Variants in EML1 observed in about 807,000 individuals in gnomAD.
EML1 encodes echinoderm microtubule-associated protein-like 1.
Under a neutral mutation model 110.4 loss-of-function variants are expected in EML1, and 27 were observed. The ratio of observed to expected loss-of-function variants is 0.24; its 90% CI spans 0.18 to 0.34. EML1 has a LOEUF of 0.34. EML1 is among the 10% of genes least tolerant of loss of function. The pLI is 1.00. For missense variants in EML1, 741 were observed against 1,030.9 expected, an observed-to-expected ratio of 0.72 and a Z score of 3.85; for synonymous variants, 344 against 385.8, an observed-to-expected ratio of 0.89 and a Z score of 1.27.
chr14:99,869,328 G>C (rs1234651114), intron 3 of EML1, among the ~76,000 whole-genome samples: 1 of 152,000 alleles, frequency 6.6e-6, no homozygotes, highest in East Asian at 1.9e-4. Flanking sequence ...AGTGATCTTT[G>C]GTGTTAATAC....
Position 99,765,701 on chromosome 14 carries a change from C to T in EML1, c.28+27841C>T, listed in dbSNP as rs1415298846. Among the ~76,000 whole-genome samples, 4 of 151,972 alleles carry T rather than the reference C, an allele frequency of 2.6e-5. No homozygotes were observed. In the East Asian group the frequency reaches 5.8e-4, roughly 22 times the overall value. Reference sequence around the variant, plus strand: ...CTCACTGCAACCTCTGCCTCCTAGGCGCAGGTGATTCTCATGCCTCAGCCT... The same window carrying T: ...CTCACTGCAACCTCTGCCTCCTAGGTGCAGGTGATTCTCATGCCTCAGCCT... On this transcript the variant is annotated intron_variant, in intron 1 of 10. Coordinates refer to the EML1 transcript ENST00000554479.
intron 6 of EML1, among the ~76,000 whole-genome samples, chr14:99,895,848 A>G (rs2059663240): frequency 6.6e-6 from 1 of 152,010 alleles, no homozygotes; most frequent in African/African-American, 2.4e-5. Context: ...CCAGGAGTTC[A>G]AGTCCAGCCT....
chr14:99,797,340 G>C (rs1469454615), intron 1 of EML1, among the ~76,000 whole-genome samples: 1 of 152,106 alleles, frequency 6.6e-6, no homozygotes, highest in Non-Finnish European at 1.5e-5. Context: ...GTTTAAATCT[G>C]TTACTTGTTG....
At chr14:99,870,750 T>C (rs1052649178) in intron 3 of EML1, among the ~76,000 whole-genome samples, 2 of 152,224 alleles carry the variant, frequency 1.3e-5, no homozygotes, top group African/African-American at 4.8e-5. Flanking sequence ...CAATATGATG[T>C]ACTGAATATT....
intron 1 of EML1, among the ~76,000 whole-genome samples, chr14:99,808,560 A>G (rs1405452380): frequency 2.0e-5 from 3 of 152,146 alleles, no homozygotes; most frequent in Admixed American, 6.5e-5. Flanking sequence ...GAAAAACAAT[A>G]TATATTATTT....
chr14:99,737,817 G>A (rs1288311178), exon 1 of EML1: 20 of 1,289,184 alleles, frequency 1.6e-5, no homozygotes, highest in Admixed American at 4.6e-5. Context: ...CCAGCCGGCC[G>A]CCCATCTTCC....
chr14:99,800,994 G>A (rs931789945), intron 1 of EML1, among the ~76,000 whole-genome samples: 1 of 152,216 alleles, frequency 6.6e-6, no homozygotes, highest in Non-Finnish European at 1.5e-5. Context: ...AGAGGGAGGG[G>A]AAGCAGAGGT....
At chr14:99,915,181 G>A in intron 15 of EML1, 1 of 191,022 alleles carries the variant, frequency 5.2e-6, no homozygotes, top group Non-Finnish European at 1.1e-5. Context: ...GGGAGGCCAA[G>A]GCAGGCAGAT....
intron 3 of EML1, among the ~76,000 whole-genome samples, chr14:99,868,259 A>T (rs1251251950): frequency 6.6e-6 from 1 of 151,994 alleles, no homozygotes; most frequent in Non-Finnish European, 1.5e-5. Context: ...TTCATCAGGG[A>T]TATTGGTCTA....
chr14:99,903,785 A>ATTTT (rs1211025934), intron 9 of EML1, among the ~76,000 whole-genome samples: 3 of 103,278 alleles, frequency 2.9e-5, no homozygotes, highest in Non-Finnish European at 3.7e-5. Context: ...AAATCTATTC[A>ATTTT]TTTTTTTTTT....
chr14:99,814,075 A>G (rs1159523012), intron 1 of EML1, among the ~76,000 whole-genome samples: 2 of 152,146 alleles, frequency 1.3e-5, no homozygotes, highest in African/African-American at 4.8e-5. Flanking sequence ...ACGGTGTTTT[A>G]TGCTATTGTA....
chr14:99,888,509 G>A (rs142734928), intron 4 of EML1, among the ~76,000 whole-genome samples: 15 of 152,256 alleles, frequency 9.9e-5, no homozygotes, highest in Non-Finnish European at 1.6e-4. Flanking sequence ...GATTTGCCTC[G>A]TAGTCTTTTG....
At position 99,940,139 on chromosome 14, in the gene EML1, C is replaced by A; in HGVS notation, c.*27C>A. On this transcript the variant is annotated 3_prime_UTR_variant, in exon 22 of 22. Coordinates refer to ENST00000262233, the MANE Select transcript of EML1 (RefSeq NM_004434.3). ...ACCCACCGAGAGCTGTGGGGAGCAGCATGGGCAAGGAAGACACAGACTCGC... is the reference window on the plus strand; with the variant it reads ...ACCCACCGAGAGCTGTGGGGAGCAGAATGGGCAAGGAAGACACAGACTCGC... 6.6e-7 allele frequency: 1 copy of A among 1,507,120 alleles called. No individual in the cohort carries two copies. The highest frequency in any genetic ancestry group is 8.9e-7 in the Non-Finnish European group (1 of 1,127,248). 93.4% of individuals were successfully genotyped at this position (1,507,120 alleles called of 1,614,324 possible).
At chr14:99,838,352 A>G (rs2058574102) in intron 1 of EML1, among the ~76,000 whole-genome samples, 1 of 152,240 alleles carries the variant, frequency 6.6e-6, no homozygotes, top group South Asian at 2.1e-4. Context: ...ATAAAAAATC[A>G]TTAAAGCTAC....
At chr14:99,889,527 G>A (rs1016498996) in intron 4 of EML1, among the ~76,000 whole-genome samples, 37 of 152,206 alleles carry the variant, frequency 2.4e-4, no homozygotes, top group African/African-American at 8.9e-4. Context: ...AATAAAGCAG[G>A]AGGGGCGGGG....
chr14:99,795,439 G>T (rs1035260846), intron 1 of EML1, among the ~76,000 whole-genome samples: 3 of 152,138 alleles, frequency 2.0e-5, no homozygotes, highest in Non-Finnish European at 2.9e-5. Context: ...TTCTCAAAAA[G>T]TTCTCAGCTC....
chr14:99,782,646 AG>A (rs2057553585), intron 1 of EML1, among the ~76,000 whole-genome samples: 1 of 152,158 alleles, frequency 6.6e-6, no homozygotes, highest in African/African-American at 2.4e-5. Context: ...AAGGATGCTG[AG>A]GACCTTTGCC....
At chr14:99,826,105 ATTTTT>A (rs71113225) in intron 1 of EML1, among the ~76,000 whole-genome samples, 1 of 79,962 alleles carries the variant, frequency 1.3e-5, no homozygotes, top group Non-Finnish European at 2.3e-5. Context: ...CTGTGCATTG[ATTTTT>A]TTTTTTTTTT....
At chr14:99,916,764 A>G (rs1025620128) in intron 15 of EML1, among the ~76,000 whole-genome samples, 2 of 151,188 alleles carry the variant, frequency 1.3e-5, no homozygotes, top group African/African-American at 4.9e-5. Flanking sequence ...CCCCTTCACC[A>G]TGGTCCAAAA....
Sources: allele counts gnomAD v4.1 joint callset (sites outside exome capture counted in the v4.1 genomes callset), GRCh38; gene constraint gnomAD v4.1.1; transcripts MANE v1.5; gene names NCBI Gene and HGNC (gene_info 2026-07-23, HGNC 2026-07-21).